Variants in RNASE10 observed in about 807,000 individuals in gnomAD.
RNASE10 encodes ribonuclease A family member 10 (inactive).
In RNASE10, 2 loss-of-function variants were observed where a neutral mutation model predicts 1.1. The ratio of observed to expected loss-of-function variants is 1.82; its 90% CI spans 0.74 to 5.73. RNASE10 has a LOEUF of 5.73. Among genes scored for constraint, RNASE10 ranks in the 30% most tolerant of loss-of-function variants. The probability of loss-of-function intolerance (pLI) is 0.05; values close to 1 mark genes in which losing one functional copy is unlikely to be tolerated. For synonymous variants in RNASE10, 97 were observed against 96.2 expected (o/e 1.01, Z -0.05); for missense variants, 276 against 263.4 (o/e 1.05, Z -0.33).
chr14:20,504,920 G>C (rs549925987), upstream of RNASE10, among the ~76,000 whole-genome samples: 1 of 151,924 alleles, frequency 6.6e-6, no homozygotes, highest in Non-Finnish European at 1.5e-5. Flanking sequence ...GCCAGCCCCC[G>C]CCACACGTAC....
intron 1 of RNASE10, among the ~76,000 whole-genome samples, chr14:20,509,953 C>CAAAAAAA (rs375096247): frequency 1.6e-5 from 2 of 121,578 alleles, no homozygotes; most frequent in Admixed American, 1.7e-4. Flanking sequence ...AGACTCGTCT[C>CAAAAAAA]AAAAAAAAAA....
At chr14:20,505,260 TG>T (rs1882662837), upstream of RNASE10, among the ~76,000 whole-genome samples, 1 of 75,582 alleles carries the variant, frequency 1.3e-5, no homozygotes, top group African/African-American at 6.1e-5. Context: ...AAAGTGAGTT[TG>T]CTCCCTCTCC....
chr14:20,504,556 C>T (rs889293188), upstream of RNASE10, among the ~76,000 whole-genome samples: 1 of 150,592 alleles, frequency 6.6e-6, no homozygotes, highest in Non-Finnish European at 1.5e-5. Context: ...GGCGCGGTGG[C>T]GGGCGCCTGT....
intron 1 of RNASE10, among the ~76,000 whole-genome samples, chr14:20,507,595 C>T (rs1333751779): frequency 3.0e-5 from 4 of 133,158 alleles, no homozygotes; most frequent in East Asian, 2.0e-4. Context: ...GCGAGAAACA[C>T]CCAAGAATGA....
At chr14:20,506,181 G>T (rs1882703797) in intron 1 of RNASE10, among the ~76,000 whole-genome samples, 162 bp downstream of exon 1, 4 of 113,306 alleles carry the variant, frequency 3.5e-5, no homozygotes, top group African/African-American at 1.2e-4. Flanking sequence ...CGGGAGGGAG[G>T]TGGGGGGGGG....
chr14:20,505,034 C>T (rs928432873), upstream of RNASE10, among the ~76,000 whole-genome samples: 1 of 152,000 alleles, frequency 6.6e-6, no homozygotes, highest in African/African-American at 2.4e-5. Flanking sequence ...GCAGAAGTAA[C>T]TCTGGCAAAC....
upstream of RNASE10, among the ~76,000 whole-genome samples, chr14:20,505,261 G>GCTCCCTCTCT (rs1566535811): frequency 1.1e-3 from 56 of 51,316 alleles, 1 homozygote; most frequent in Admixed American, 1.5e-3. Flanking sequence ...AAGTGAGTTT[G>GCTCCCTCTCT]CTCCCTCTCC....
At chr14:20,513,332 G>A (rs1233722514), downstream of RNASE10, among the ~76,000 whole-genome samples, 3 of 152,108 alleles carry the variant, frequency 2.0e-5, no homozygotes, top group African/African-American at 7.2e-5. Context: ...AGCTTCCATG[G>A]CTGATAACAG....
At chr14:20,510,549 A>G (rs548307202) in exon 2 of RNASE10, 1 of 1,614,060 alleles carries the variant, frequency 6.2e-7, no homozygotes, top group African/African-American at 1.3e-5. Context: ...TGGGGTTGGG[A>G]CTTCATATGG....
chr14:20,506,438 G>GT, intron 1 of RNASE10, among the ~76,000 whole-genome samples: 1 of 133,804 alleles, frequency 7.5e-6, no homozygotes, highest in Non-Finnish European at 1.6e-5. Context: ...CGGGAGGGGG[G>GT]AGGGGGGGTC....
At chr14:20,505,985 G>A (rs1882693823) in exon 1 of RNASE10, 1 of 133,876 alleles carries the variant, frequency 7.5e-6, no homozygotes, top group African/African-American at 3.1e-5. Flanking sequence ...GGGATGTGAG[G>A]AGCGCCTCTG....
intron 1 of RNASE10, among the ~76,000 whole-genome samples, chr14:20,506,327 C>G (rs1882715919): frequency 7.7e-6 from 1 of 130,608 alleles, no homozygotes; most frequent in Non-Finnish European, 1.7e-5. Context: ...GGGTCAGCCC[C>G]CCGCCCGGCC....
chr14:20,511,565 G>A (rs575018826), downstream of RNASE10, among the ~76,000 whole-genome samples: 132 of 152,314 alleles, frequency 8.7e-4, no homozygotes, highest in Middle Eastern at 3.4e-3. Flanking sequence ...TGAAGTTAAA[G>A]TGATTCTATC....
upstream of RNASE10, among the ~76,000 whole-genome samples, chr14:20,504,241 T>C (rs1882631011): frequency 6.6e-6 from 1 of 152,184 alleles, no homozygotes; most frequent in Admixed American, 6.5e-5. Flanking sequence ...ATAACCATTT[T>C]TCTTCAGACT....
chr14:20,512,046 A>C (rs575012288), downstream of RNASE10, among the ~76,000 whole-genome samples: 3 of 152,302 alleles, frequency 2.0e-5, no homozygotes, highest in South Asian at 6.2e-4. Flanking sequence ...AATGAGAAAA[A>C]GAGAGAGGAA....
chr14:20,507,725 CTTATTTATTTATTTAT>C (rs71112513), intron 1 of RNASE10, among the ~76,000 whole-genome samples: 32 of 146,238 alleles, frequency 2.2e-4, no homozygotes, highest in East Asian at 1.6e-3. Context: ...TTAAACTTCC[CTTATTTATTTATTTAT>C]TTATTTATTT....
Position 20,511,046 on chromosome 14 carries a change from ACC to A in RNASE10, c.660_661del (p.Leu221AsnfsTer13), listed in dbSNP as rs931855677. ...GACCAGGTCACTCCTAACTGCAATT[ACC>A]TAACTTCTGTTATAAAAAAGCACAT... On this transcript the variant is annotated frameshift_variant, in exon 2 of 2. Coordinates refer to ENST00000430083, the Ensembl canonical transcript of RNASE10. LOFTEE classifies it low-confidence loss of function (END_TRUNC). 13 of 1,536,684 alleles carry A rather than the reference ACC, an allele frequency of 8.5e-6. No homozygotes were observed. Among genetic ancestry groups the A allele is most frequent in the Non-Finnish European group, 1.1e-5 (12 of 1,141,656 alleles).
Position 20,511,061 on chromosome 14 carries a change from T to TA in RNASE10, c.680dup (p.His228AlafsTer7), listed in dbSNP as rs759771059. 2 of 1,525,970 alleles carry TA rather than the reference T, an allele frequency of 1.3e-6. No individual in the cohort carries two copies. The highest frequency in any genetic ancestry group is 1.3e-5 in the South Asian group (1 of 76,304). The allele number at this position is 1,525,970 out of a possible 1,614,324, so 94.5% of individuals were successfully genotyped here. ...AACTGCAATTACCTAACTTCTGTTA[T>TA]AAAAAAGCACATTATTATAACCTGT... is the stretch of plus-strand genomic sequence containing the variant. On this transcript the variant is annotated frameshift_variant, in exon 2 of 2. Transcript: ENST00000430083. LOFTEE classifies it low-confidence loss of function (END_TRUNC).
intron 1 of RNASE10, among the ~76,000 whole-genome samples, chr14:20,507,102 T>C (rs1672314035): frequency 6.7e-6 from 1 of 149,670 alleles, no homozygotes; most frequent in South Asian, 2.1e-4. Context: ...CAGGACCCCG[T>C]CTGGGAGGTG....
Sources: allele counts gnomAD v4.1 joint callset (sites outside exome capture counted in the v4.1 genomes callset), GRCh38; gene constraint gnomAD v4.1.1; transcripts MANE v1.5; gene names NCBI Gene and HGNC (gene_info 2026-07-23, HGNC 2026-07-21).